Variants in MARCHF1 observed in about 807,000 individuals in gnomAD.
MARCHF1 encodes membrane associated ring-CH-type finger 1.
A neutral mutation model predicts 54.2 loss-of-function variants in MARCHF1; 40 were observed. The ratio of observed to expected loss-of-function variants is 0.74; its 90% CI spans 0.57 to 0.96. The LOEUF is 0.96. MARCHF1 is among the 40% of genes least tolerant of loss of function. The pLI is 0.00. For synonymous variants in MARCHF1, 236 were observed against 236.3 expected, an observed-to-expected ratio of 1.00 and a Z score of 0.01; for missense variants, 586 against 656.5, an observed-to-expected ratio of 0.89 and a Z score of 1.17.
At chr4:163,757,588 G>T (rs887411160) in intron 4 of MARCHF1, among the ~76,000 whole-genome samples, 11 of 151,916 alleles carry the variant, frequency 7.2e-5, no homozygotes, top group African/African-American at 2.4e-4. Context: ...TTGCTAATAA[G>T]CTCAGGAACA....
intron 1 of MARCHF1, among the ~76,000 whole-genome samples, chr4:164,273,294 C>T (rs1219781384): frequency 6.6e-6 from 1 of 152,034 alleles, no homozygotes; most frequent in Non-Finnish European, 1.5e-5. Context: ...GGGAAATAAT[C>T]CCTTATAAAA....
intron 1 of MARCHF1, among the ~76,000 whole-genome samples, chr4:164,232,290 C>G (rs1219931797): frequency 6.6e-6 from 1 of 152,118 alleles, no homozygotes; most frequent in Non-Finnish European, 1.5e-5. Context: ...CTAGAAAACA[C>G]TGCAAATCCC....
At chr4:164,232,405 A>G (rs755719673) in intron 1 of MARCHF1, among the ~76,000 whole-genome samples, 30 of 152,198 alleles carry the variant, frequency 2.0e-4, no homozygotes, top group Non-Finnish European at 3.2e-4. Context: ...ATGACCAAAG[A>G]GTACATGAAG....
chr4:163,637,412 C>T (rs1289541151), intron 5 of MARCHF1, among the ~76,000 whole-genome samples: 1 of 151,880 alleles, frequency 6.6e-6, no homozygotes, highest in Non-Finnish European at 1.5e-5. Context: ...AAAAAACAAC[C>T]CCATCAAAAA....
chr4:164,064,196 A>T (rs1293135549), intron 2 of MARCHF1, among the ~76,000 whole-genome samples: 5 of 152,180 alleles, frequency 3.3e-5, no homozygotes, highest in Non-Finnish European at 5.9e-5. Flanking sequence ...TAGTTCTGTG[A>T]AGAATGTCAA....
intron 1 of MARCHF1, among the ~76,000 whole-genome samples, chr4:164,298,088 T>C (rs983145706): frequency 6.6e-6 from 1 of 151,994 alleles, no homozygotes; most frequent in Non-Finnish European, 1.5e-5. Flanking sequence ...AAGACCCAAA[T>C]AGAGTTTTAA....
chr4:164,012,014 A>ACATC (rs1271431682), intron 2 of MARCHF1, among the ~76,000 whole-genome samples: 17 of 152,234 alleles, frequency 1.1e-4, no homozygotes, highest in African/African-American at 3.6e-4. Context: ...CGGAGGGAGC[A>ACATC]CATCTAGACC....
intron 9 of MARCHF1, among the ~76,000 whole-genome samples, chr4:163,533,260 A>C (rs1738415403): frequency 6.6e-6 from 1 of 152,116 alleles, no homozygotes; most frequent in South Asian, 2.1e-4. Context: ...TGAAAAAGCT[A>C]CATACTGCGT....
intron 3 of MARCHF1, among the ~76,000 whole-genome samples, chr4:163,950,562 G>T (rs1471218364): frequency 6.6e-6 from 1 of 152,144 alleles, no homozygotes; most frequent in Non-Finnish European, 1.5e-5. Context: ...GGAGGGTGGG[G>T]CTCCTGCCCC....
intron 2 of MARCHF1, among the ~76,000 whole-genome samples, chr4:164,110,590 T>C (rs1248166549): frequency 6.6e-6 from 1 of 151,722 alleles, no homozygotes; most frequent in Admixed American, 6.6e-5. Flanking sequence ...ATGACTATTA[T>C]GCCACTAAAT....
At chr4:163,546,406 T>G (rs545933403) in intron 8 of MARCHF1, among the ~76,000 whole-genome samples, 1 of 152,264 alleles carries the variant, frequency 6.6e-6, no homozygotes, top group Non-Finnish European at 1.5e-5. Context: ...AGCTTTAATA[T>G]TGAACAATTA....
At chr4:164,151,057 GA>G (rs1729922184) in intron 1 of MARCHF1, among the ~76,000 whole-genome samples, 2 of 152,188 alleles carry the variant, frequency 1.3e-5, no homozygotes, top group African/African-American at 4.8e-5. Context: ...ACTGGAAAAG[GA>G]AAGGAGATAG....
intron 1 of MARCHF1, among the ~76,000 whole-genome samples, chr4:164,379,312 TCAAA>T (rs1165406321): frequency 2.0e-5 from 3 of 151,660 alleles, no homozygotes; most frequent in Admixed American, 2.0e-4. Context: ...AAAAGAATAC[TCAAA>T]CAAGCACAGA....
At chr4:164,326,583 A>G (rs1232800491) in intron 1 of MARCHF1, among the ~76,000 whole-genome samples, 1 of 152,226 alleles carries the variant, frequency 6.6e-6, no homozygotes, top group African/African-American at 2.4e-5. Context: ...AAATGAAATC[A>G]GTAATATAGC....
intron 1 of MARCHF1, among the ~76,000 whole-genome samples, chr4:164,168,200 T>C (rs1321069994): frequency 6.7e-6 from 1 of 149,800 alleles, no homozygotes; most frequent in Non-Finnish European, 1.5e-5. Flanking sequence ...ACCAAGGAAA[T>C]ACAAGTTAAA....
At chr4:164,276,441 TG>T in intron 1 of MARCHF1, among the ~76,000 whole-genome samples, 1 of 152,270 alleles carries the variant, frequency 6.6e-6, no homozygotes, top group South Asian at 2.1e-4. Context: ...TAATTTTATT[TG>T]TGCACATTTC....
intron 5 of MARCHF1, among the ~76,000 whole-genome samples, chr4:163,688,470 G>C (rs1465566565): frequency 6.6e-6 from 1 of 152,094 alleles, no homozygotes; most frequent in Admixed American, 6.6e-5. Context: ...CTTTATTGAT[G>C]ATGGATCTAA....
intron 3 of MARCHF1, among the ~76,000 whole-genome samples, chr4:163,894,908 TATATATATATATGCATGTGATGC>T (rs1750764874): frequency 9.8e-4 from 1 of 1,018 alleles, no homozygotes; most frequent in African/African-American, 3.4e-3. Flanking sequence ...ATGTGATGCA[TATATATATATATGCATGTGATGC>T]ATATATATAT....
At chr4:164,162,529 C>T (rs1366618712) in intron 1 of MARCHF1, among the ~76,000 whole-genome samples, 2 of 152,128 alleles carry the variant, frequency 1.3e-5, no homozygotes, top group African/African-American at 4.8e-5. Context: ...TGCCCAAACT[C>T]ACTGTCTCAT....
Sources: gnomAD v4.1 joint callset for allele counts (sites outside exome capture counted in the v4.1 genomes callset) on GRCh38, gnomAD v4.1.1 for gene constraint, MANE v1.5 for transcripts, NCBI Gene and HGNC (gene_info 2026-07-23, HGNC 2026-07-21) for gene names.